TXNRD1: variants seen among roughly 807,000 people sequenced by gnomAD.
The protein encoded by TXNRD1 is thioredoxin reductase 1, cytoplasmic.
In TXNRD1, 57 loss-of-function variants were observed where a neutral mutation model predicts 80.3. That is an observed-to-expected ratio of 0.71 (90% CI 0.57 to 0.89). TXNRD1 has a LOEUF of 0.89. TXNRD1 is among the 40% of genes least tolerant of loss of function. TXNRD1 has a pLI of 0.00. For synonymous variants in TXNRD1, 291 were observed against 285.2 expected, an observed-to-expected ratio of 1.02 and a Z score of -0.20; for missense variants, 730 against 803.0, an observed-to-expected ratio of 0.91 and a Z score of 1.10.
chr12:104,303,610 G>A (rs917084855), intron 4 of TXNRD1: 7 of 319,768 alleles, frequency 2.2e-5, no homozygotes, highest in Non-Finnish European at 3.4e-5. Context: ...CCATCATTGC[G>A]CGTGTTGGGA....
chr12:104,281,209 C>T (rs886093622), intron 3 of TXNRD1, among the ~76,000 whole-genome samples: 2 of 152,164 alleles, frequency 1.3e-5, no homozygotes, highest in Admixed American at 1.3e-4. Flanking sequence ...AGCCAGAAAT[C>T]TAGCGTTATC....
At chr12:104,234,057 A>G (rs933981229) in intron 1 of TXNRD1, among the ~76,000 whole-genome samples, 2 of 152,168 alleles carry the variant, frequency 1.3e-5, no homozygotes, top group Admixed American at 1.3e-4. Flanking sequence ...AGCTATTAAA[A>G]ACCTGTGTTT....
intron 4 of TXNRD1, chr12:104,291,042 C>G: frequency 1.5e-6 from 1 of 686,360 alleles, no homozygotes. Flanking sequence ...CTCCTGGGCT[C>G]AAGCGATCAT....
In TXNRD1 at chr12:104,304,295, G is replaced by T. The variant is rs768160719; in HGVS notation, c.415-6995G>T. The T allele has an allele frequency of 8.1e-6, 13 of 1,613,926 alleles. No individual in the cohort carries two copies. The highest frequency in any genetic ancestry group is 8.0e-5 in the African/African-American group (6 of 74,932). On this transcript the variant is annotated intron_variant, in intron 4 of 16. Coordinates refer to ENST00000525566, the MANE Select transcript of TXNRD1 (RefSeq NM_001093771.3). ...CTTCTTTAATCAGTTAGCATTTTGT[G>T]ACTTTCTGTTTCTGTTCGTGGGTCT...
intron 7 of TXNRD1, among the ~76,000 whole-genome samples, chr12:104,316,669 G>A (rs1277539771): frequency 6.6e-6 from 1 of 152,184 alleles, no homozygotes; most frequent in Non-Finnish European, 1.5e-5. Flanking sequence ...GATTACAGGT[G>A]TGAGCCACCG....
chr12:104,224,122 G>A (rs1352137114), intron 1 of TXNRD1, among the ~76,000 whole-genome samples: 1 of 152,058 alleles, frequency 6.6e-6, no homozygotes, highest in Non-Finnish European at 1.5e-5. Context: ...TTTTTCCCCT[G>A]TTCCCTGACC....
chr12:104,248,555 A>G (rs1861622660), intron 1 of TXNRD1, among the ~76,000 whole-genome samples: 2 of 152,192 alleles, frequency 1.3e-5, no homozygotes, highest in South Asian at 4.1e-4. Flanking sequence ...AAGTGCAGGA[A>G]TTACGGGCGG....
rs141420684 is a variant in TXNRD1, at chr12:104,346,065, T to A, written c.1882-2288T>A. 8.3e-4 allele frequency: 935 copies of A among 1,131,388 alleles called. 5 individuals are homozygous for A. In the African/African-American group the frequency reaches 0.013, roughly 15 times the overall value. 70.1% of individuals were successfully genotyped at this position (1,131,388 alleles called of 1,614,324 possible). A position where few individuals can be genotyped will look rare whatever the true frequency, so the allele number is the denominator to read the frequency against. On this transcript the variant is annotated intron_variant, in intron 16 of 16. Transcript: ENST00000525566. ...AGGGTTCCTGTCACCCAGGCTGGAG[T>A]GCAGTGGTGTGATCTCAGTTCACTG... is the stretch of plus-strand genomic sequence containing the variant.
At position 104,251,791 on chromosome 12, in the gene TXNRD1, C is replaced by G. The variant is rs367941122; in HGVS notation, c.243+113C>G. The stretch of plus-strand genomic sequence containing the variant: ...TTAGGAAGAGTGTATGTAGGCTGGG[C>G]GCGGTGGCTCACACCTGTAATCCCA... On this transcript the variant is annotated intron_variant, in intron 2 of 16. Transcript: ENST00000525566. 33 of 1,237,800 alleles carry G rather than the reference C, an allele frequency of 2.7e-5. 1 individual carries two copies. In the East Asian group the frequency reaches 4.8e-4, roughly 18 times the overall value. 76.7% of individuals were successfully genotyped at this position (1,237,800 alleles called of 1,614,324 possible). A position where few individuals can be genotyped will look rare whatever the true frequency, so the allele number is the denominator to read the frequency against.
At chr12:104,343,230 G>A in intron 16 of TXNRD1, among the ~76,000 whole-genome samples, 1 of 152,192 alleles carries the variant, frequency 6.6e-6, no homozygotes, top group East Asian at 1.9e-4. Flanking sequence ...AAGAGGTTGA[G>A]TAACTTGCCC....
At chr12:104,330,743 C>A (rs1181534735) in intron 13 of TXNRD1, among the ~76,000 whole-genome samples, 1 of 152,006 alleles carries the variant, frequency 6.6e-6, no homozygotes, top group Non-Finnish European at 1.5e-5. Flanking sequence ...CCTGCCACCA[C>A]GCCCAGCTAA....
intron 3 of TXNRD1, among the ~76,000 whole-genome samples, chr12:104,267,654 T>C (rs79042444): frequency 0.14 from 2,791 of 19,958 alleles, 46 homozygotes; most frequent in African/African-American, 0.26. Context: ...GGTATCTTTC[T>C]TTCTTTCTTT....
At chr12:104,219,972 A>G (rs2032312965) in intron 1 of TXNRD1, among the ~76,000 whole-genome samples, 3 of 152,206 alleles carry the variant, frequency 2.0e-5, no homozygotes, top group South Asian at 2.1e-4. Flanking sequence ...TTTCAGACCT[A>G]CTAAATCAGC....
At chr12:104,342,240 G>A (rs1208673394) in intron 16 of TXNRD1, among the ~76,000 whole-genome samples, 3 of 152,056 alleles carry the variant, frequency 2.0e-5, no homozygotes, top group African/African-American at 7.2e-5. Flanking sequence ...GACATGGTTG[G>A]TTCCTCTGGC....
At chr12:104,313,786 G>T (rs570554439) in intron 6 of TXNRD1, among the ~76,000 whole-genome samples, 1 of 152,284 alleles carries the variant, frequency 6.6e-6, no homozygotes, top group East Asian at 1.9e-4. Flanking sequence ...AGTGAACTCG[G>T]CATATTCAAA....
intron 3 of TXNRD1, among the ~76,000 whole-genome samples, chr12:104,267,719 T>TTC (rs769724608): frequency 7.2e-5 from 3 of 41,732 alleles, no homozygotes; most frequent in Admixed American, 2.8e-4. Context: ...CTTTCTTTCT[T>TTC]TCTCTTTCTT....
At chr12:104,235,346 G>A (rs574694834) in intron 1 of TXNRD1, among the ~76,000 whole-genome samples, 2 of 152,256 alleles carry the variant, frequency 1.3e-5, no homozygotes, top group Admixed American at 1.3e-4. Context: ...TACAGATTGG[G>A]AACGGATGTG....
intron 1 of TXNRD1, among the ~76,000 whole-genome samples, chr12:104,220,513 C>T (rs1436173785): frequency 1.3e-5 from 2 of 152,056 alleles, no homozygotes; most frequent in African/African-American, 4.8e-5. Flanking sequence ...CATCTGAGGT[C>T]AGGAGTTCGA....
At chr12:104,283,559 G>A (rs905029878) in intron 3 of TXNRD1, among the ~76,000 whole-genome samples, 1 of 151,722 alleles carries the variant, frequency 6.6e-6, no homozygotes, top group African/African-American at 2.4e-5. Context: ...CTCACACTCT[G>A]GCTTCTTAAC....
Sources: gnomAD v4.1 joint callset for allele counts (sites outside exome capture counted in the v4.1 genomes callset) on GRCh38, gnomAD v4.1.1 for gene constraint, MANE v1.5 for transcripts, NCBI Gene and HGNC (gene_info 2026-07-23, HGNC 2026-07-21) for gene names.